The following DLG2 variants were observed in gnomAD, a reference collection of about 807,000 sequenced individuals.
DLG2 encodes disks large homolog 2.
DLG2 carries 45 observed loss-of-function variants against 132.5 expected under a neutral mutation model. The observed-to-expected ratio is 0.34, with a 90% CI of 0.27 to 0.44. The LOEUF (loss-of-function observed/expected upper bound fraction) is 0.44, where lower values mean the gene tolerates loss of function less well. DLG2 is among the 20% of genes least tolerant of loss of function. DLG2 has a pLI of 1.00. For synonymous variants in DLG2, 424 were observed against 419.6 expected, an observed-to-expected ratio of 1.01 and a Z score of -0.13; for missense variants, 1,045 against 1,196.9, an observed-to-expected ratio of 0.87 and a Z score of 1.87.
chr11:83,990,460 G>C (rs2093641954), intron 11 of DLG2, among the ~76,000 whole-genome samples: 1 of 152,092 alleles, frequency 6.6e-6, no homozygotes, highest in Non-Finnish European at 1.5e-5. Context: ...CCTGTAAAAA[G>C]AGAACACCAT....
intron 15 of DLG2, among the ~76,000 whole-genome samples, chr11:83,885,424 G>T (rs1394149040): frequency 6.6e-6 from 1 of 152,164 alleles, no homozygotes; most frequent in African/African-American, 2.4e-5. Context: ...AACGAACAAA[G>T]CCTCCAAGAA....
intron 8 of DLG2, among the ~76,000 whole-genome samples, chr11:84,222,270 G>T (rs932025082): frequency 2.0e-5 from 3 of 152,184 alleles, no homozygotes; most frequent in African/African-American, 7.2e-5. Flanking sequence ...GTCCTCAGGT[G>T]ATCCACCTGC....
intron 6 of DLG2, among the ~76,000 whole-genome samples, chr11:84,697,083 AG>A (rs1391199681): frequency 6.6e-6 from 1 of 151,406 alleles, no homozygotes; most frequent in Non-Finnish European, 1.5e-5. Flanking sequence ...GAGAGATAAA[AG>A]TTATTTCTCC....
At chr11:83,965,781 C>T (rs561820540) in intron 12 of DLG2, among the ~76,000 whole-genome samples, 1 of 151,758 alleles carries the variant, frequency 6.6e-6, no homozygotes, top group East Asian at 1.9e-4. Flanking sequence ...AGAAAAGTAA[C>T]ACATATTAGT....
chr11:83,495,955 G>GATAA (rs1254262192), intron 21 of DLG2, among the ~76,000 whole-genome samples: 4 of 151,974 alleles, frequency 2.6e-5, no homozygotes, highest in African/African-American at 9.7e-5. Flanking sequence ...AAGCACAAAT[G>GATAA]ATAAATAAAA....
intron 7 of DLG2, among the ~76,000 whole-genome samples, chr11:84,355,858 C>T (rs1365277707): frequency 6.6e-6 from 1 of 152,098 alleles, no homozygotes; most frequent in African/African-American, 2.4e-5. Context: ...ATTTTCCCAG[C>T]ATCTTGCATA....
At chr11:85,369,377 C>T (rs1384527846) in intron 3 of DLG2, among the ~76,000 whole-genome samples, 1 of 152,104 alleles carries the variant, frequency 6.6e-6, no homozygotes, top group Non-Finnish European at 1.5e-5. Context: ...GGAGGAACCA[C>T]TTTCATAACA....
At chr11:83,915,540 T>A (rs1048332169) in intron 15 of DLG2, among the ~76,000 whole-genome samples, 1 of 152,194 alleles carries the variant, frequency 6.6e-6, no homozygotes, top group Non-Finnish European at 1.5e-5. Flanking sequence ...ATGTTAAAAA[T>A]GTAAAAATCT....
At chr11:84,782,215 G>A (rs115962913) in intron 6 of DLG2, among the ~76,000 whole-genome samples, 2 of 152,188 alleles carry the variant, frequency 1.3e-5, no homozygotes, top group African/African-American at 2.4e-5. Flanking sequence ...GGGTGGATTA[G>A]ATGGGAAAGA....
At chr11:84,443,827 A>G (rs1367265507) in intron 7 of DLG2, among the ~76,000 whole-genome samples, 2 of 152,040 alleles carry the variant, frequency 1.3e-5, no homozygotes, top group Non-Finnish European at 2.9e-5. Flanking sequence ...CCAATCTCTG[A>G]CTTGTCTTAG....
intron 6 of DLG2, among the ~76,000 whole-genome samples, chr11:84,833,492 A>G (rs1273769713): frequency 1.3e-5 from 2 of 151,668 alleles, no homozygotes; most frequent in Non-Finnish European, 3.0e-5. Flanking sequence ...CACATCCTAT[A>G]GAACTGTGAC....
At chr11:85,254,828 G>A (rs554284360) in intron 4 of DLG2, among the ~76,000 whole-genome samples, 63 of 151,906 alleles carry the variant, frequency 4.1e-4, no homozygotes, top group South Asian at 1.0e-3. Context: ...GTGAAACCCC[G>A]TCTCTACTAA....
intron 18 of DLG2, among the ~76,000 whole-genome samples, chr11:83,731,932 C>G (rs2091085199): frequency 6.6e-6 from 1 of 152,206 alleles, no homozygotes. Context: ...CTTAGTACAG[C>G]ATTTGCCACA....
intron 6 of DLG2, among the ~76,000 whole-genome samples, chr11:85,020,243 T>C (rs2059924456): frequency 6.6e-6 from 1 of 152,212 alleles, no homozygotes; most frequent in Non-Finnish European, 1.5e-5. Flanking sequence ...TTTTCATGTG[T>C]TGTTGGCTGC....
At chr11:83,895,783 C>G (rs2071471797) in intron 15 of DLG2, among the ~76,000 whole-genome samples, 1 of 152,212 alleles carries the variant, frequency 6.6e-6, no homozygotes, top group Non-Finnish European at 1.5e-5. Context: ...ATGTCCTCAT[C>G]AAGGCATTTC....
At chr11:84,952,297 G>C (rs1022986348) in intron 6 of DLG2, among the ~76,000 whole-genome samples, 4 of 152,184 alleles carry the variant, frequency 2.6e-5, no homozygotes, top group African/African-American at 9.7e-5. Context: ...TGTAATCCCA[G>C]CACTTTGGGA....
At chr11:85,091,268 T>C (rs1431986270) in intron 6 of DLG2, among the ~76,000 whole-genome samples, 1 of 152,248 alleles carries the variant, frequency 6.6e-6, no homozygotes, top group African/African-American at 2.4e-5. Context: ...AAAAAGCCTT[T>C]ACTTAAGGTA....
chr11:84,928,096 A>C (rs560480280), intron 6 of DLG2, among the ~76,000 whole-genome samples: 10 of 152,090 alleles, frequency 6.6e-5, no homozygotes, highest in African/African-American at 2.4e-4. Context: ...ATAGAAGAGG[A>C]AAGTATAGAA....
intron 12 of DLG2, among the ~76,000 whole-genome samples, chr11:83,967,661 A>AT (rs139517693): frequency 0.012 from 1,843 of 151,980 alleles, 33 homozygotes; most frequent in African/African-American, 0.042. Flanking sequence ...ATGGTTTGCA[A>AT]TTTTTTCCCA....
Sources: allele counts gnomAD v4.1 joint callset (sites outside exome capture counted in the v4.1 genomes callset), GRCh38; gene constraint gnomAD v4.1.1; transcripts MANE v1.5; gene names NCBI Gene and HGNC (gene_info 2026-07-23, HGNC 2026-07-21).